The following SOX6 variants were observed in gnomAD, a reference collection of about 807,000 sequenced individuals.
SOX6 encodes the protein SRY-box transcription factor 6, also known as transcription factor SOX-6.
SOX6 carries 11 observed loss-of-function variants against 97.8 expected under a neutral mutation model. That is an observed-to-expected ratio of 0.11 (90% CI 0.07 to 0.19). The LOEUF is 0.19. SOX6 is among the 10% of genes least tolerant of loss of function. SOX6 has a pLI of 1.00. For missense variants in SOX6, 810 were observed against 1,039.5 expected (o/e 0.78, Z 3.04); for synonymous variants, 360 against 371.4 (o/e 0.97, Z 0.35).
intron 3 of SOX6, among the ~76,000 whole-genome samples, chr11:16,286,448 T>C (rs896748006): frequency 6.6e-6 from 1 of 152,162 alleles, no homozygotes; most frequent in African/African-American, 2.4e-5. Flanking sequence ...ATTACTAATA[T>C]ATAACTAAGA....
chr11:16,072,396 A>C (rs7128216), intron 9 of SOX6, among the ~76,000 whole-genome samples: 3,654 of 152,244 alleles, frequency 0.024, 147 homozygotes, highest in African/African-American at 0.083. Context: ...AAAAACAAAA[A>C]AATAAATAAT....
At chr11:16,180,476 C>A (rs953665252) in intron 6 of SOX6, among the ~76,000 whole-genome samples, 3 of 151,582 alleles carry the variant, frequency 2.0e-5, no homozygotes, top group African/African-American at 7.3e-5. Flanking sequence ...CTATTTCTGT[C>A]CTGGAAATAT....
chr11:16,494,374 T>C (rs939746152), intron 4 of SOX6, among the ~76,000 whole-genome samples: 23 of 151,972 alleles, frequency 1.5e-4, no homozygotes, highest in Admixed American at 9.2e-4. Flanking sequence ...AAAGTCTGTC[T>C]CAAAATAAAT....
intron 2 of SOX6, among the ~76,000 whole-genome samples, chr11:16,324,007 AC>A (rs1855997743): frequency 6.6e-6 from 1 of 151,910 alleles, no homozygotes; most frequent in Admixed American, 6.6e-5. Flanking sequence ...ACATAGCAAG[AC>A]CCCATCCCTA....
At chr11:15,977,444 C>A (rs1435583129) in intron 15 of SOX6, among the ~76,000 whole-genome samples, 1 of 151,836 alleles carries the variant, frequency 6.6e-6, no homozygotes, top group Non-Finnish European at 1.5e-5. Context: ...GATTTCACTC[C>A]CCACCCCATC....
intron 15 of SOX6, among the ~76,000 whole-genome samples, chr11:15,984,163 T>A (rs762294899): frequency 1.3e-5 from 2 of 152,208 alleles, no homozygotes; most frequent in Non-Finnish European, 2.9e-5. Flanking sequence ...CACTAGATAG[T>A]CAATAAATAA....
intron 3 of SOX6, 98 bp from the exon 4 acceptor site, chr11:16,234,769 G>T: frequency 3.0e-6 from 2 of 659,826 alleles, no homozygotes; most frequent in Admixed American, 2.8e-5. Flanking sequence ...GCATAAAGCT[G>T]TTTTTGTTGC....
chr11:16,719,612 G>T (rs533345151), intron 2 of SOX6, among the ~76,000 whole-genome samples: 1 of 152,172 alleles, frequency 6.6e-6, no homozygotes, highest in Admixed American at 6.6e-5. Flanking sequence ...AATATTTGAG[G>T]TGAGTATAAA....
intron 4 of SOX6, among the ~76,000 whole-genome samples, chr11:16,489,693 C>G (rs1030558781): frequency 1.2e-4 from 18 of 152,116 alleles, no homozygotes; most frequent in African/African-American, 4.3e-4. Context: ...AGTACAGTAC[C>G]CTGGCACTTA....
At chr11:16,509,480 T>C (rs963788354) in intron 4 of SOX6, among the ~76,000 whole-genome samples, 1 of 152,042 alleles carries the variant, frequency 6.6e-6, no homozygotes, top group African/African-American at 2.4e-5. Flanking sequence ...GGGATGGTGG[T>C]CTAAGCATAA....
intron 13 of SOX6, among the ~76,000 whole-genome samples, chr11:16,008,649 A>G (rs987237272): frequency 2.6e-4 from 39 of 152,194 alleles, no homozygotes; most frequent in Non-Finnish European, 4.0e-4. Context: ...GTTCAATGGA[A>G]ATTGTTTTCT....
intron 4 of SOX6, among the ~76,000 whole-genome samples, chr11:16,562,604 C>T (rs1026322303): frequency 1.3e-5 from 2 of 152,024 alleles, no homozygotes; most frequent in African/African-American, 4.8e-5. Flanking sequence ...AATGAGGTAC[C>T]CAATACCCAC....
intron 3 of SOX6, among the ~76,000 whole-genome samples, chr11:16,623,994 C>G (rs1848585389): frequency 1.3e-5 from 2 of 152,114 alleles, no homozygotes; most frequent in Non-Finnish European, 2.9e-5. Flanking sequence ...AACACCTACC[C>G]CTTCGGAGGC....
chr11:16,270,722 T>C (rs563978793), intron 3 of SOX6, among the ~76,000 whole-genome samples: 12 of 151,400 alleles, frequency 7.9e-5, no homozygotes, highest in African/African-American at 2.7e-4. Flanking sequence ...TGCTACAGCA[T>C]AAATGAATCT....
chr11:16,283,102 T>C (rs1368482187), intron 3 of SOX6, among the ~76,000 whole-genome samples: 2 of 142,850 alleles, frequency 1.4e-5, no homozygotes, highest in African/African-American at 5.2e-5. Context: ...TATATATATA[T>C]ATATATATAT....
intron 6 of SOX6, among the ~76,000 whole-genome samples, chr11:16,176,070 C>CGGATGGATGGAT (rs71826187): frequency 1.3e-3 from 193 of 148,422 alleles, no homozygotes; most frequent in African/African-American, 4.3e-3. Context: ...GACGGACGGA[C>CGGATGGATGGAT]GGATGGATGG....
At chr11:16,594,781 G>A (rs1404741795) in intron 4 of SOX6, among the ~76,000 whole-genome samples, 2 of 128,134 alleles carry the variant, frequency 1.6e-5, no homozygotes. Flanking sequence ...AGCTCCGCCT[G>A]CCGGGTTCAC....
chr11:16,734,633 A>G (rs560024035), intron 2 of SOX6, among the ~76,000 whole-genome samples: 14 of 152,308 alleles, frequency 9.2e-5, no homozygotes, highest in African/African-American at 3.1e-4. Context: ...TTTGAAGCCC[A>G]TATTTTTAAC....
intron 3 of SOX6, among the ~76,000 whole-genome samples, chr11:16,273,382 C>T (rs547610336): frequency 6.6e-6 from 1 of 151,962 alleles, no homozygotes; most frequent in African/African-American, 2.4e-5. Flanking sequence ...AACCACAGGG[C>T]TATTTCTGTC....
Sources: allele counts gnomAD v4.1 joint callset (sites outside exome capture counted in the v4.1 genomes callset), GRCh38; gene constraint gnomAD v4.1.1; transcripts MANE v1.5; gene names NCBI Gene and HGNC (gene_info 2026-07-23, HGNC 2026-07-21).